SUGP1: variants seen among roughly 807,000 people sequenced by gnomAD.
The protein encoded by SUGP1 is SURP and G-patch domain containing 1.
In SUGP1, 34 loss-of-function variants were observed where a neutral mutation model predicts 76.5. The ratio of observed to expected loss-of-function variants is 0.44; its 90% CI spans 0.34 to 0.59. SUGP1 has a LOEUF of 0.59. Ranked by LOEUF, SUGP1 falls within the 20% of genes least tolerant of loss-of-function variation. The probability of loss-of-function intolerance (pLI) is 0.01; values close to 1 mark genes in which losing one functional copy is unlikely to be tolerated. For synonymous variants in SUGP1, 326 were observed against 326.2 expected, an observed-to-expected ratio of 1.00 and a Z score of 0.01; for missense variants, 752 against 851.7, an observed-to-expected ratio of 0.88 and a Z score of 1.46.
intron 2 of SUGP1, 49 bp downstream of exon 2, chr19:19,316,373 C>A (rs755505371): frequency 6.2e-7 from 1 of 1,605,430 alleles, no homozygotes; most frequent in South Asian, 1.1e-5. Flanking sequence ...TGCTGGTGAC[C>A]CTCAAAGACT....
chr19:19,310,072 A>G, intron 3 of SUGP1, 25 bp downstream of exon 3: 1 of 1,594,202 alleles, frequency 6.3e-7, no homozygotes, highest in Non-Finnish European at 8.6e-7. Context: ...AGGACAGCAC[A>G]AGGAAAGGGG....
intron 2 of SUGP1, 139 bp downstream of exon 2, chr19:19,316,283 G>A (rs1286844889): frequency 9.1e-7 from 1 of 1,100,068 alleles, no homozygotes; most frequent in East Asian, 2.6e-5. Flanking sequence ...GCCTCCCAAG[G>A]GCATCTGGGT....
intron 1 of SUGP1, among the ~76,000 whole-genome samples, chr19:19,318,258 C>T (rs1599875996): frequency 6.6e-6 from 1 of 151,658 alleles, no homozygotes; most frequent in Non-Finnish European, 1.5e-5. Context: ...TCTGGGACTA[C>T]AGGCATCTGC....
intron 8 of SUGP1, among the ~76,000 whole-genome samples, chr19:19,296,653 AAAAAG>A (rs1429281420): frequency 6.6e-6 from 1 of 150,506 alleles, no homozygotes; most frequent in Non-Finnish European, 1.5e-5. Context: ...TCTCAAAAAA[AAAAAG>A]AAAAAAGAAA....
chr19:19,291,907 A>T (rs1481927955), intron 8 of SUGP1, among the ~76,000 whole-genome samples: 1 of 149,384 alleles, frequency 6.7e-6, no homozygotes, highest in Admixed American at 6.7e-5. Flanking sequence ...ACACACACAC[A>T]CACACACACA....
chr19:19,299,202 T>C (rs1327154001), intron 7 of SUGP1, among the ~76,000 whole-genome samples: 1 of 152,214 alleles, frequency 6.6e-6, no homozygotes, highest in African/African-American at 2.4e-5. Context: ...AAGCCTTTCC[T>C]ATTAGAACAG....
intron 13 of SUGP1, 129 bp downstream of exon 13, chr19:19,276,818 C>T (rs1599841387): frequency 1.3e-6 from 2 of 1,539,528 alleles, no homozygotes; most frequent in East Asian, 2.3e-5. Context: ...GGCTTGAATG[C>T]AGGTGGGTGG....
At chr19:19,305,760 C>T (rs1599865361) in intron 4 of SUGP1, 89 bp downstream of exon 4, 6 of 1,361,466 alleles carry the variant, frequency 4.4e-6, no homozygotes, top group Non-Finnish European at 6.0e-6. Context: ...GCACCCATGC[C>T]CCTGGCAGCA....
chr19:19,294,486 C>A (rs1387675976), intron 8 of SUGP1, among the ~76,000 whole-genome samples: 2 of 144,298 alleles, frequency 1.4e-5, no homozygotes, highest in Non-Finnish European at 3.0e-5. Context: ...CACTGCACTC[C>A]AGCCTGGGTG....
At chr19:19,310,261 A>G (rs1466043389) in intron 2 of SUGP1, 61 bp from the exon 3 acceptor site, 24 of 1,313,280 alleles carry the variant, frequency 1.8e-5, no homozygotes, top group Non-Finnish European at 2.5e-5. Context: ...AGGGCACCAG[A>G]GGACGAGGAT....
intron 8 of SUGP1, among the ~76,000 whole-genome samples, chr19:19,282,195 G>C (rs1262110380): frequency 6.6e-6 from 1 of 152,058 alleles, no homozygotes; most frequent in Non-Finnish European, 1.5e-5. Context: ...AGTCAGGCTG[G>C]TCTTGAACTC....
intron 8 of SUGP1, 78 bp downstream of exon 8, chr19:19,296,911 G>T (rs1313068197): frequency 2.5e-6 from 3 of 1,221,190 alleles, no homozygotes; most frequent in Admixed American, 5.4e-5. Flanking sequence ...CTACACTGTG[G>T]ATGAACCTTG....
intron 2 of SUGP1, among the ~76,000 whole-genome samples, chr19:19,313,169 G>A (rs755789389): frequency 4.6e-5 from 7 of 151,752 alleles, no homozygotes; most frequent in Non-Finnish European, 1.0e-4. Flanking sequence ...CAAAGCAGGC[G>A]GATCACCTGA....
chr19:19,316,208 T>G, intron 2 of SUGP1: 1 of 594,140 alleles, frequency 1.7e-6, no homozygotes, highest in Non-Finnish European at 2.9e-6. Flanking sequence ...AACTGCTGAG[T>G]GGATGAGTTG....
chr19:19,295,879 G>C (rs777206263), intron 8 of SUGP1, among the ~76,000 whole-genome samples: 2 of 151,986 alleles, frequency 1.3e-5, no homozygotes, highest in Admixed American at 1.3e-4. Flanking sequence ...AACATAAAAC[G>C]TGGGGAAAAA....
At position 19,303,718 on chromosome 19, in the gene SUGP1, A is replaced by C; in HGVS notation, c.662+6T>G. On this transcript the variant is annotated splice_donor_region_variant and intron_variant, in intron 5 of 13. Transcript: ENST00000247001. ...GCACAGCCTTCCCTTCCCCGGAGAT[A>C]CTCACGCAAATGCTGGGTTATCCTT... 1.2e-6 allele frequency: 2 copies of C among 1,614,094 alleles called. No homozygotes were observed. The highest frequency in any genetic ancestry group is 1.7e-6 in the Non-Finnish European group (2 of 1,180,002).
At chr19:19,317,295 C>T (rs1568638814) in intron 1 of SUGP1, among the ~76,000 whole-genome samples, 1 of 152,026 alleles carries the variant, frequency 6.6e-6, no homozygotes, top group Non-Finnish European at 1.5e-5. Flanking sequence ...AATAAGAAGC[C>T]AGCGTCATGA....
chr19:19,317,354 G>A (rs150087155), intron 1 of SUGP1, among the ~76,000 whole-genome samples: 96 of 152,308 alleles, frequency 6.3e-4, no homozygotes, highest in African/African-American at 2.1e-3. Context: ...AGATGTGAAA[G>A]CTCAAGGCAG....
At chr19:19,310,401 C>A (rs151013731) in intron 2 of SUGP1, among the ~76,000 whole-genome samples, 11 of 152,190 alleles carry the variant, frequency 7.2e-5, no homozygotes, top group African/African-American at 2.4e-4. Flanking sequence ...GGCTTCAGTA[C>A]GGTAAGCTGG....
Sources: allele counts gnomAD v4.1 joint callset (sites outside exome capture counted in the v4.1 genomes callset), GRCh38; gene constraint gnomAD v4.1.1; transcripts MANE v1.5; gene names NCBI Gene and HGNC (gene_info 2026-07-23, HGNC 2026-07-21).